RALGPS2: variants seen among roughly 807,000 people sequenced by gnomAD.
The protein encoded by RALGPS2 is ras-specific guanine nucleotide-releasing factor RalGPS2.
Under a neutral mutation model 86.8 loss-of-function variants are expected in RALGPS2, and 43 were observed. That is an observed-to-expected ratio of 0.50 (90% CI 0.39 to 0.64). The LOEUF is 0.64. Among genes scored for constraint, RALGPS2 ranks in the 30% least tolerant of loss-of-function variants. The pLI is 0.00. For missense variants in RALGPS2, 536 were observed against 694.6 expected (o/e 0.77, Z 2.57); for synonymous variants, 243 against 231.3 (o/e 1.05, Z -0.46).
chr1:178,853,112 A>ACATTGT, intron 8 of RALGPS2: 1 of 985,406 alleles, frequency 1.0e-6, no homozygotes, highest in East Asian at 1.1e-4. Context: ...TATAAGCCAC[A>ACATTGT]CATTGTCATT....
intron 2 of RALGPS2, among the ~76,000 whole-genome samples, chr1:178,782,136 T>C (rs1471975420): frequency 6.6e-6 from 1 of 152,074 alleles, no homozygotes; most frequent in Non-Finnish European, 1.5e-5. Flanking sequence ...GAGAGGCAAA[T>C]AGAGAATCAC....
chr1:178,891,768 C>A lies in RALGPS2; in HGVS notation c.1248-462C>A, dbSNP rs546246929. Among the ~76,000 whole-genome samples, 7 of 151,952 alleles carry A rather than the reference C, an allele frequency of 4.6e-5. 1 individual carries two copies. In the South Asian group the frequency reaches 1.0e-3, roughly 23 times the overall value. ...GGATAAAGAGGAAAATAAAGTTTTC[C>A]TCATGAGTTTACAAGCCACATTGCT... On this transcript the variant is annotated intron_variant, in intron 14 of 19. Coordinates refer to ENST00000367635, the MANE Select transcript of RALGPS2 (RefSeq NM_152663.5).
rs1650838152 is a variant in RALGPS2, at chr1:178,738,327, G to A, written c.-84+12908G>A. ...AGGTTCAAGGTACTCTCCTGTCTCA[G>A]CCTCCCAAATAGCTGGGATTACAGG... On this transcript the variant is annotated intron_variant, in intron 1 of 19. Coordinates refer to ENST00000367635, the MANE Select transcript of RALGPS2 (RefSeq NM_152663.5). Among the ~76,000 whole-genome samples the A allele has an allele frequency of 3.4e-5, 5 of 148,724 alleles. No individual in the cohort carries two copies. In the South Asian group the frequency reaches 1.1e-3, roughly 31 times the overall value.
chr1:178,904,655 G>A (rs1201515313), intron 18 of RALGPS2, among the ~76,000 whole-genome samples: 1 of 152,038 alleles, frequency 6.6e-6, no homozygotes, highest in East Asian at 1.9e-4. Context: ...AAGATCAGTT[G>A]GCTGTATTTG....
At chr1:178,833,708 C>T (rs1313975230) in intron 8 of RALGPS2, among the ~76,000 whole-genome samples, 158 bp downstream of exon 8, 3 of 151,854 alleles carry the variant, frequency 2.0e-5, no homozygotes, top group Admixed American at 6.6e-5. Flanking sequence ...TAGTTGTTAC[C>T]CTGTTACCTG....
intron 6 of RALGPS2, among the ~76,000 whole-genome samples, chr1:178,813,591 C>T (rs1344467385): frequency 1.3e-5 from 2 of 152,138 alleles, no homozygotes; most frequent in Non-Finnish European, 2.9e-5. Flanking sequence ...AGAACCGTAG[C>T]ATTCTGTATA....
chr1:178,891,612 GT>G, intron 14 of RALGPS2, among the ~76,000 whole-genome samples: 1 of 151,042 alleles, frequency 6.6e-6, no homozygotes, highest in African/African-American at 2.4e-5. Context: ...TATTTTTTTT[GT>G]TTTTAACTAT....
chr1:178,743,863 C>G (rs555609350), intron 1 of RALGPS2, among the ~76,000 whole-genome samples: 22 of 151,994 alleles, frequency 1.4e-4, no homozygotes, highest in African/African-American at 5.3e-4. Context: ...ACAATATTTC[C>G]ACACCAAAAA....
chr1:178,757,830 C>A (rs1282828437), intron 1 of RALGPS2, among the ~76,000 whole-genome samples: 1 of 152,068 alleles, frequency 6.6e-6, no homozygotes, highest in African/African-American at 2.4e-5. Flanking sequence ...AGGAGTCCCC[C>A]CTCCTTGATT....
chr1:178,860,184 AT>A (rs151123678), intron 8 of RALGPS2, among the ~76,000 whole-genome samples: 7,949 of 151,912 alleles, frequency 0.052, 725 homozygotes, highest in African/African-American at 0.18. Context: ...TAAAAGAGTA[AT>A]TTTTTTTAAT....
chr1:178,912,332 C>G (rs2102421229), intron 19 of RALGPS2, among the ~76,000 whole-genome samples: 1 of 152,212 alleles, frequency 6.6e-6, no homozygotes, highest in South Asian at 2.1e-4. Flanking sequence ...ATTTTTCTTT[C>G]ATTTCCACAT....
chr1:178,906,975 G>A (rs1175627550), intron 19 of RALGPS2, 108 bp downstream of exon 19: 12 of 960,036 alleles, frequency 1.2e-5, no homozygotes, highest in Non-Finnish European at 1.6e-5. Context: ...GAGAATGGTG[G>A]TGTTTTTATT....
At chr1:178,799,355 G>C (rs758031204) in intron 4 of RALGPS2, among the ~76,000 whole-genome samples, 1 of 151,482 alleles carries the variant, frequency 6.6e-6, no homozygotes, top group Non-Finnish European at 1.5e-5. Flanking sequence ...TAATACAGAT[G>C]AAAGTGTCCT....
intron 10 of RALGPS2, among the ~76,000 whole-genome samples, chr1:178,881,779 G>T (rs1191458841): frequency 6.6e-6 from 1 of 152,112 alleles, no homozygotes; most frequent in Admixed American, 6.5e-5. Flanking sequence ...AATGCAGTGT[G>T]TTGCCTGAGC....
At position 178,917,885 on chromosome 1, in the gene RALGPS2, C is replaced by T. The variant is rs1301198665; in HGVS notation, c.*1526C>T. The T allele has an allele frequency of 1.3e-5, 2 of 152,044 alleles. No homozygotes were observed. Among genetic ancestry groups the T allele is most frequent in the African/African-American group, 2.4e-5 (1 of 41,408 alleles). 9.4% of individuals were successfully genotyped at this position (152,044 alleles called of 1,614,324 possible). On this transcript the variant is annotated 3_prime_UTR_variant, in exon 20 of 20. Coordinates refer to ENST00000367635, the MANE Select transcript of RALGPS2 (RefSeq NM_152663.5). Reference sequence around the variant, plus strand: ...GATATCTACTAATAGACTTCTGTTACTTTGGGCCTCACATAAAATTTCTCA... The same window carrying T: ...GATATCTACTAATAGACTTCTGTTATTTTGGGCCTCACATAAAATTTCTCA...
At chr1:178,838,493 G>A (rs1041067257) in intron 8 of RALGPS2, among the ~76,000 whole-genome samples, 1 of 152,126 alleles carries the variant, frequency 6.6e-6, no homozygotes, top group African/African-American at 2.4e-5. Context: ...CTAACAGAAA[G>A]GACATCCACA....
chr1:178,751,185 A>G (rs1651633854), intron 1 of RALGPS2, among the ~76,000 whole-genome samples: 1 of 152,106 alleles, frequency 6.6e-6, no homozygotes, highest in Non-Finnish European at 1.5e-5. Flanking sequence ...CAAAGAACCA[A>G]CATTCCTCCG....
chr1:178,811,289 T>C (rs1211729666), intron 5 of RALGPS2, 26 bp from the exon 6 acceptor site: 26 of 1,478,068 alleles, frequency 1.8e-5, no homozygotes, highest in Non-Finnish European at 2.3e-5. Context: ...ATCATAGTGA[T>C]ATTTATTTAA....
chr1:178,843,508 TGGGGGGA>T (rs1372705896), intron 8 of RALGPS2, among the ~76,000 whole-genome samples: 3 of 67,144 alleles, frequency 4.5e-5, no homozygotes, highest in African/African-American at 1.7e-4. Flanking sequence ...TGTGGTGGGG[TGGGGGGA>T]GGGGGGAGGG....
Sources: allele counts gnomAD v4.1 joint callset (sites outside exome capture counted in the v4.1 genomes callset), GRCh38; gene constraint gnomAD v4.1.1; transcripts MANE v1.5; gene names NCBI Gene and HGNC (gene_info 2026-07-23, HGNC 2026-07-21).